PTPRR: variants seen among roughly 807,000 people sequenced by gnomAD.
PTPRR encodes protein tyrosine phosphatase receptor type R.
Under a neutral mutation model 77.2 loss-of-function variants are expected in PTPRR, and 38 were observed. The ratio of observed to expected loss-of-function variants is 0.49; its 90% CI spans 0.38 to 0.65. The LOEUF (loss-of-function observed/expected upper bound fraction) is 0.65. Among genes scored for constraint, PTPRR ranks in the 30% least tolerant of loss-of-function variants. The pLI, the probability that PTPRR is intolerant of heterozygous loss-of-function variation, is 0.00. For synonymous variants in PTPRR, 299 were observed against 283.1 expected (o/e 1.06, Z -0.57); for missense variants, 744 against 799.2 (o/e 0.93, Z 0.83).
At chr12:70,775,611 G>A (rs965802108) in intron 2 of PTPRR, among the ~76,000 whole-genome samples, 1 of 152,262 alleles carries the variant, frequency 6.6e-6, no homozygotes, top group Middle Eastern at 3.4e-3. Flanking sequence ...ACACCCAGTG[G>A]TCCAGTTAGT....
chr12:70,783,892 G>C, intron 2 of PTPRR, among the ~76,000 whole-genome samples: 1 of 147,756 alleles, frequency 6.8e-6, no homozygotes, highest in Non-Finnish European at 1.5e-5. Context: ...GCGGGGGTTG[G>C]CACGTCAGCA....
chr12:70,707,915 C>T (rs987238462), intron 6 of PTPRR, among the ~76,000 whole-genome samples: 4 of 152,018 alleles, frequency 2.6e-5, no homozygotes, highest in Admixed American at 6.6e-5. Flanking sequence ...ACCCTTTTGA[C>T]GTAAGATGCT....
At chr12:70,684,622 A>T in intron 9 of PTPRR, 82 bp downstream of exon 9, 1 of 979,622 alleles carries the variant, frequency 1.0e-6, no homozygotes, top group Non-Finnish European at 1.5e-6. Context: ...AACCAAGCTT[A>T]ATCTACTCTA....
Position 70,907,242 on chromosome 12 carries a change from T to C in PTPRR, c.58+13091A>G, listed in dbSNP as rs78844146. Among the ~76,000 whole-genome samples the C allele has an allele frequency of 8.3e-3, 1,272 of 152,342 alleles. 12 individuals carry two copies. The highest frequency in any genetic ancestry group is 0.014 in the Middle Eastern group (4 of 294). ...CAAAGTAATTGTTCTGTTTTTATAG[T>C]GCTAGCTCTGATCACTGCTATTTAA... On this transcript the variant is annotated intron_variant, in intron 1 of 13. Transcript: ENST00000283228.
At chr12:70,675,467 A>C (rs1397302476) in intron 10 of PTPRR, among the ~76,000 whole-genome samples, 1 of 151,998 alleles carries the variant, frequency 6.6e-6, no homozygotes, top group Non-Finnish European at 1.5e-5. Flanking sequence ...GGCTAATCTT[A>C]AAATTTGAAC....
intron 6 of PTPRR, among the ~76,000 whole-genome samples, chr12:70,705,673 A>T (rs1180690813): frequency 6.6e-6 from 1 of 152,144 alleles, no homozygotes; most frequent in Non-Finnish European, 1.5e-5. Flanking sequence ...TTTAAAGATT[A>T]TAAGAAGAAT....
intron 1 of PTPRR, among the ~76,000 whole-genome samples, chr12:70,908,456 A>C (rs1052501438): frequency 2.0e-5 from 3 of 152,194 alleles, no homozygotes; most frequent in Non-Finnish European, 2.9e-5. Context: ...CCCTCTTCAC[A>C]TGGCAGCAGG....
At chr12:70,706,111 T>C (rs1888610870) in intron 6 of PTPRR, among the ~76,000 whole-genome samples, 1 of 152,148 alleles carries the variant, frequency 6.6e-6, no homozygotes, top group South Asian at 2.1e-4. Context: ...GGAATTCTTT[T>C]ACTTTGTGTG....
At chr12:70,682,106 C>T (rs1484854931) in intron 10 of PTPRR, among the ~76,000 whole-genome samples, 3 of 129,640 alleles carry the variant, frequency 2.3e-5, no homozygotes, top group African/African-American at 8.6e-5. Flanking sequence ...TGCAGTGGCG[C>T]GATCTCGGCT....
intron 2 of PTPRR, among the ~76,000 whole-genome samples, chr12:70,771,989 A>T (rs1197703879): frequency 6.6e-6 from 1 of 152,170 alleles, no homozygotes; most frequent in East Asian, 1.9e-4. Flanking sequence ...AATATTAAAG[A>T]ATTCCTAAAA....
At chr12:70,817,157 TA>T (rs34741805) in intron 2 of PTPRR, among the ~76,000 whole-genome samples, 1 of 152,142 alleles carries the variant, frequency 6.6e-6, no homozygotes, top group Admixed American at 6.5e-5. Flanking sequence ...TAAACTATTT[TA>T]AAAAAGTAAC....
chr12:70,701,191 C>A lies in PTPRR; in HGVS notation c.1140G>T (p.Arg380Ser), dbSNP rs751063698. The change falls in exon 7 of 14, where the codon AGG (arginine) becomes AGT (serine). Residue 380 changes from arginine to serine, a missense_variant. This residue lies in a region of PTPRR where 570 missense variants were observed against 573.2 expected (regional missense o/e 0.99). Coordinates refer to ENST00000283228, the MANE Select transcript of PTPRR (RefSeq NM_002849.4). ...TTGCCACGACGTCCCTCAGCTGAGACCTTGTGAGAATTCGGCTGGCTGACT... is the reference window on the plus strand; with the variant it reads ...TTGCCACGACGTCCCTCAGCTGAGAACTTGTGAGAATTCGGCTGGCTGACT... ...YLQSASRILT[R>S]SQLRDVVASS... The A allele has an allele frequency of 6.2e-7, 1 of 1,613,822 alleles. No homozygotes were observed. Among genetic ancestry groups the A allele is most frequent in the East Asian group, 2.2e-5 (1 of 44,874 alleles).
At chr12:70,680,909 C>A (rs1460894178) in intron 10 of PTPRR, among the ~76,000 whole-genome samples, 12 of 152,150 alleles carry the variant, frequency 7.9e-5, no homozygotes, top group African/African-American at 2.9e-4. Flanking sequence ...GGGTGGGACT[C>A]GCTTTGGAAT....
intron 2 of PTPRR, among the ~76,000 whole-genome samples, chr12:70,861,038 T>C (rs11835134): frequency 0.014 from 2,143 of 152,278 alleles, 61 homozygotes; most frequent in African/African-American, 0.049. Context: ...GATTTTTTGT[T>C]TGTGTTGAAT....
At chr12:70,724,289 G>A (rs1889358902) in intron 6 of PTPRR, among the ~76,000 whole-genome samples, 1 of 152,162 alleles carries the variant, frequency 6.6e-6, no homozygotes. Flanking sequence ...TATGGAGCCA[G>A]ACTGCCGGGG....
intron 2 of PTPRR, among the ~76,000 whole-genome samples, chr12:70,855,386 G>C (rs1892635010): frequency 6.6e-6 from 1 of 152,122 alleles, no homozygotes; most frequent in Non-Finnish European, 1.5e-5. Flanking sequence ...AGGGCAGCAG[G>C]GAAGCCTGTT....
intron 2 of PTPRR, among the ~76,000 whole-genome samples, chr12:70,862,252 T>C (rs1222996331): frequency 1.3e-5 from 2 of 152,108 alleles, no homozygotes; most frequent in African/African-American, 4.8e-5. Flanking sequence ...GGTAACCTAC[T>C]TGAGTCTCAG....
chr12:70,835,819 T>C (rs1481491013), intron 2 of PTPRR, among the ~76,000 whole-genome samples: 5 of 152,154 alleles, frequency 3.3e-5, no homozygotes, highest in African/African-American at 4.8e-5. Flanking sequence ...GGATTAATTG[T>C]TGGGGAAAGT....
chr12:70,668,899 G>A (rs531687195), intron 10 of PTPRR, among the ~76,000 whole-genome samples: 4 of 152,248 alleles, frequency 2.6e-5, no homozygotes, highest in African/African-American at 9.6e-5. Context: ...AACTTTCTTG[G>A]AATGTATTTA....
Sources: allele counts gnomAD v4.1 joint callset (sites outside exome capture counted in the v4.1 genomes callset), GRCh38; gene constraint gnomAD v4.1.1; regional missense constraint gnomAD v4.1.1; transcripts MANE v1.5; gene names NCBI Gene and HGNC (gene_info 2026-07-23, HGNC 2026-07-21).